Variants in PTPRN2 observed in about 807,000 individuals in gnomAD.
PTPRN2 encodes receptor-type tyrosine-protein phosphatase N2.
In PTPRN2, 74 loss-of-function variants were observed where a neutral mutation model predicts 118.8. The observed-to-expected ratio is 0.62, with a 90% CI of 0.52 to 0.76. The LOEUF is 0.76. Among genes scored for constraint, PTPRN2 ranks in the 30% least tolerant of loss-of-function variants. PTPRN2 has a pLI of 0.00. For missense variants in PTPRN2, 1,481 were observed against 1,394.4 expected (o/e 1.06, Z -0.99); for synonymous variants, 641 against 608.0 (o/e 1.05, Z -0.80).
Position 157,696,039 on chromosome 7 carries a change from C to G in PTPRN2, c.1789-13102G>C, listed in dbSNP as rs6949877. On this transcript the variant is annotated intron_variant, in intron 12 of 22. Coordinates refer to ENST00000389418, the MANE Select transcript of PTPRN2 (RefSeq NM_002847.5). ...TCTTGGCAGAGCCCTCACCATCTAC[C>G]CATGCATACTGGGTCTTGGAAGAGC... Among the ~76,000 whole-genome samples, 1,151 of 132,098 alleles carry G rather than the reference C, an allele frequency of 8.7e-3. 18 individuals are homozygous for G. The highest frequency in any genetic ancestry group is 0.033 in the African/African-American group (1,094 of 33,588). 86.7% of individuals were successfully genotyped at this position (132,098 alleles called of 152,430 possible). A position where few individuals can be genotyped will look rare whatever the true frequency, so the allele number is the denominator to read the frequency against.
chr7:157,691,080 C>G (rs946176009), intron 12 of PTPRN2, among the ~76,000 whole-genome samples: 3 of 124,944 alleles, frequency 2.4e-5, no homozygotes, highest in East Asian at 2.2e-4. Flanking sequence ...CCCCCCCCCC[C>G]CACATGTTGC....
chr7:158,269,813 CAGAGAT>C (rs1487408479), intron 3 of PTPRN2, among the ~76,000 whole-genome samples: 4 of 150,994 alleles, frequency 2.6e-5, no homozygotes, highest in African/African-American at 9.8e-5. Flanking sequence ...GGGACAGAGA[CAGAGAT>C]AGAAAGAGAC....
At chr7:158,150,685 A>T (rs1054202894) in intron 6 of PTPRN2, among the ~76,000 whole-genome samples, 1 of 151,914 alleles carries the variant, frequency 6.6e-6, no homozygotes, top group South Asian at 2.1e-4. Context: ...CTGAGGTGAG[A>T]TCTGTCATGC....
intron 6 of PTPRN2, among the ~76,000 whole-genome samples, chr7:158,150,730 A>C (rs1440168451): frequency 1.3e-5 from 2 of 151,908 alleles, no homozygotes; most frequent in African/African-American, 4.8e-5. Flanking sequence ...GGTGATCTGC[A>C]AAGCTCTCTT....
intron 6 of PTPRN2, among the ~76,000 whole-genome samples, chr7:158,139,498 G>A (rs985303149): frequency 1.3e-5 from 2 of 151,290 alleles, no homozygotes; most frequent in African/African-American, 2.5e-5. Context: ...GGCACGGGGG[G>A]GTGGGAAAGG....
At chr7:158,066,591 G>A (rs147704680) in intron 11 of PTPRN2, among the ~76,000 whole-genome samples, 2 of 152,270 alleles carry the variant, frequency 1.3e-5, no homozygotes, top group East Asian at 3.9e-4. Context: ...ACTGTAGAGA[G>A]ACAGAAAGTA....
intron 2 of PTPRN2, among the ~76,000 whole-genome samples, chr7:158,341,408 C>G: frequency 6.8e-6 from 1 of 147,658 alleles, no homozygotes; most frequent in East Asian, 2.0e-4. Flanking sequence ...GAGCTGTCGC[C>G]CGCAGAGGTC....
chr7:157,945,558 C>T (rs781638346), intron 11 of PTPRN2, among the ~76,000 whole-genome samples: 2 of 152,140 alleles, frequency 1.3e-5, no homozygotes, highest in Non-Finnish European at 2.9e-5. Context: ...AATGGCGCCT[C>T]CAACTCGAAC....
intron 19 of PTPRN2, among the ~76,000 whole-genome samples, chr7:157,573,258 G>A (rs928778611): frequency 3.9e-5 from 6 of 152,372 alleles, no homozygotes; most frequent in East Asian, 3.9e-4. Context: ...ACGTGTGCAC[G>A]TGTAGAATCA....
intron 5 of PTPRN2, among the ~76,000 whole-genome samples, chr7:158,191,837 G>T (rs1585799084): frequency 1.3e-5 from 2 of 152,038 alleles, no homozygotes; most frequent in Non-Finnish European, 2.9e-5. Context: ...GAGCCCTTAC[G>T]CTGCCCTGGG....
rs1240252847 is a variant in PTPRN2, at chr7:157,903,505, C to G, written c.1724-4768G>C. 6.6e-6 allele frequency among the ~76,000 whole-genome samples: 1 copy of G among 152,134 alleles called. No individual in the cohort carries two copies. Among genetic ancestry groups the G allele is most frequent in the Admixed American group, 6.5e-5 (1 of 15,280 alleles). ...AAAATTAAAAATACGGATAAGTGAA[C>G]AGATGTGCCACCGACAACCCTCCCA... On this transcript the variant is annotated intron_variant, in intron 11 of 22. Transcript: ENST00000389418. This position sits in a 1 kb window ranked among gnomAD's most constrained non-coding sequence, Gnocchi z 4.2.
chr7:157,723,544 C>G lies in PTPRN2; in HGVS notation c.1789-40607G>C, dbSNP rs150155896. 2.0e-3 allele frequency among the ~76,000 whole-genome samples: 301 copies of G among 152,370 alleles called. 1 individual carries two copies. The highest frequency in any genetic ancestry group is 6.9e-3 in the African/African-American group (285 of 41,596). ...AAGCACTTTCTCCCTCCTCTCCTTT[C>G]TCTACCACAGCCCAGGCCTTCCTCA... On this transcript the variant is annotated intron_variant, in intron 12 of 22. Coordinates refer to ENST00000389418, the MANE Select transcript of PTPRN2 (RefSeq NM_002847.5).
At chr7:157,982,274 G>T (rs1422515230) in intron 11 of PTPRN2, among the ~76,000 whole-genome samples, 2 of 59,506 alleles carry the variant, frequency 3.4e-5, no homozygotes, top group African/African-American at 5.8e-5. Flanking sequence ...TAGAGCCAAG[G>T]AGGGGAATGC....
At chr7:158,363,682 C>T (rs1809190752) in intron 2 of PTPRN2, among the ~76,000 whole-genome samples, 1 of 152,154 alleles carries the variant, frequency 6.6e-6, no homozygotes, top group African/African-American at 2.4e-5. Context: ...CTTAGGGTGT[C>T]CCAGGGCGCT....
chr7:158,177,083 G>A (rs1824272595), intron 5 of PTPRN2, among the ~76,000 whole-genome samples: 1 of 152,236 alleles, frequency 6.6e-6, no homozygotes. Flanking sequence ...CAGCTTTCCT[G>A]TGAATGCAGG....
At chr7:158,501,932 C>T (rs1176510280) in intron 1 of PTPRN2, among the ~76,000 whole-genome samples, 1 of 152,198 alleles carries the variant, frequency 6.6e-6, no homozygotes, top group Non-Finnish European at 1.5e-5. Flanking sequence ...ATCCTCCTAG[C>T]TCTGCGGATG....
chr7:158,430,357 C>A (rs1816070648), intron 2 of PTPRN2, among the ~76,000 whole-genome samples: 1 of 152,184 alleles, frequency 6.6e-6, no homozygotes, highest in African/African-American at 2.4e-5. Flanking sequence ...GGCTGAGGGG[C>A]CTGTAGACCC....
intron 13 of PTPRN2, among the ~76,000 whole-genome samples, chr7:157,665,252 G>A (rs1316131924): frequency 1.3e-5 from 2 of 152,248 alleles, no homozygotes; most frequent in African/African-American, 4.8e-5. Flanking sequence ...CTCTGTTTAT[G>A]ATCCGCGACT....
chr7:157,952,855 G>C (rs4019375), intron 11 of PTPRN2, among the ~76,000 whole-genome samples: 38,113 of 152,096 alleles, frequency 0.25, 5,099 homozygotes, highest in Middle Eastern at 0.31. Flanking sequence ...AACATTCACA[G>C]TGTCCCTGGG....
Sources: allele counts gnomAD v4.1 joint callset (sites outside exome capture counted in the v4.1 genomes callset), GRCh38; gene constraint gnomAD v4.1.1; non-coding constraint Gnocchi (gnomAD v3.1); transcripts MANE v1.5; gene names NCBI Gene and HGNC (gene_info 2026-07-23, HGNC 2026-07-21).